The following ARL9 variants were observed in gnomAD, a reference collection of about 807,000 sequenced individuals.
ARL9 encodes ADP-ribosylation factor-like protein 9.
In ARL9, 14 loss-of-function variants were observed where a neutral mutation model predicts 27.0. The observed-to-expected ratio is 0.52, with a 90% confidence interval of 0.34 to 0.81. The LOEUF (loss-of-function observed/expected upper bound fraction) is 0.81, where lower values mean the gene tolerates loss of function less well. Among genes scored for constraint, ARL9 ranks in the 30% least tolerant of loss-of-function variants. ARL9 has a pLI of 0.01. For missense variants in ARL9, 294 were observed against 290.0 expected (o/e 1.01, Z -0.10); for synonymous variants, 106 against 108.7 (o/e 0.98, Z 0.15).
At chr4:56,514,945 G>T (rs1342758806) in intron 2 of ARL9, among the ~76,000 whole-genome samples, 1 of 152,082 alleles carries the variant, frequency 6.6e-6, no homozygotes. Flanking sequence ...AAGAATGAAA[G>T]GTTGGTTTAA....
intron 1 of ARL9, among the ~76,000 whole-genome samples, chr4:56,510,515 A>G (rs1297392438): frequency 6.6e-6 from 1 of 151,994 alleles, no homozygotes; most frequent in African/African-American, 2.4e-5. Flanking sequence ...CAAGACCCCA[A>G]ACAAAATGAA....
rs780043190 is a variant in ARL9 at position 56,518,812 on chromosome 4, G to A, written c.577G>A (p.Ala193Thr). 1 of 1,613,994 alleles carries A rather than the reference G, an allele frequency of 6.2e-7. No individual in the cohort carries two copies. Among genetic ancestry groups the A allele is most frequent in the Non-Finnish European group, 8.5e-7 (1 of 1,179,884 alleles). The change falls in exon 3 of 4, where the codon GCA (alanine) becomes ACA (threonine). Residue 193 changes from alanine to threonine, a missense_variant. Transcript: ENST00000640821. ...AKKYLHQLIA[A>T]NPVLPLVVFA... ...GAAATACCTTCATCAGCTAATTGCA[G>A]CAAACCCAGTACTTCCTCTGGTTGT...
chr4:56,506,951 T>C (rs1327282733), intron 1 of ARL9, among the ~76,000 whole-genome samples: 1 of 152,050 alleles, frequency 6.6e-6, no homozygotes, highest in Non-Finnish European at 1.5e-5. Flanking sequence ...CACGCCACCA[T>C]GTCCAGCTAA....
upstream of ARL9, chr4:56,505,639 T>C (rs1721431074): frequency 2.8e-6 from 2 of 706,220 alleles, no homozygotes; most frequent in Middle Eastern, 3.3e-4. Flanking sequence ...CCTTCCCTCT[T>C]TGCGAACCCC....
In ARL9 at chr4:56,523,852, A is replaced by G. The variant is rs1198119455; in HGVS notation, c.774A>G (p.Ala258=). 1.2e-6 allele frequency: 2 copies of G among 1,613,808 alleles called. No homozygotes were observed. The highest frequency in any genetic ancestry group is 1.7e-5 in the Admixed American group (1 of 60,010). Reference sequence around the variant, plus strand: ...TGCAAGATGCCAAAGACTTGATTGCACAGCTGGCTGCAGATGTGCAGTGAC... The same window carrying G: ...TGCAAGATGCCAAAGACTTGATTGCGCAGCTGGCTGCAGATGTGCAGTGAC... ...STMQDAKDLI[A]QLAADVQ is the part of the protein sequence containing the mutation. The change falls in exon 4 of 4, where the codon GCA becomes GCG. Residue 258 remains alanine (A), a synonymous_variant. Transcript: ENST00000640821.
chr4:56,509,666 C>G (rs368459371), intron 1 of ARL9, among the ~76,000 whole-genome samples: 6 of 149,810 alleles, frequency 4.0e-5, no homozygotes, highest in African/African-American at 1.5e-4. Context: ...TCCCAGATAG[C>G]TGGGATTACA....
intron 3 of ARL9, among the ~76,000 whole-genome samples, chr4:56,520,374 G>A (rs1018215768): frequency 3.3e-5 from 5 of 152,286 alleles, no homozygotes; most frequent in Admixed American, 6.5e-5. Context: ...TGAACCTTGA[G>A]AACATTATGC....
At chr4:56,523,082 G>A (rs1304793251) in intron 3 of ARL9, among the ~76,000 whole-genome samples, 7 of 152,102 alleles carry the variant, frequency 4.6e-5, no homozygotes, top group Admixed American at 2.6e-4. Context: ...AAGACTAAAA[G>A]GAAAATGGAA....
At position 56,514,554 on chromosome 4, in the gene ARL9, G is replaced by T. The variant is rs186309848; in HGVS notation, c.442+3207G>T. Among the ~76,000 whole-genome samples the T allele has an allele frequency of 1.9e-3, 292 of 152,252 alleles. 10 individuals are homozygous for T. The South Asian group carries it at 0.039, about 20-fold the overall frequency. On this transcript the variant is annotated intron_variant, in intron 2 of 3. Transcript: ENST00000640821. ...GTATAATACCTGTATTAACAAATTT[G>T]TACCAATAGATATAAAGTCCTGGAT...
At chr4:56,506,755 G>T in intron 1 of ARL9, 1 of 802,940 alleles carries the variant, frequency 1.2e-6, no homozygotes, top group Non-Finnish European at 1.5e-6. Context: ...GCTGCGCTCT[G>T]GTTCTAAACA....
At chr4:56,519,575 A>C (rs1721860547) in intron 3 of ARL9, among the ~76,000 whole-genome samples, 1 of 151,914 alleles carries the variant, frequency 6.6e-6, no homozygotes, top group Admixed American at 6.6e-5. Context: ...GCGCCACTGC[A>C]CTCCAGCCTG....
At chr4:56,506,568 G>A in intron 1 of ARL9, 1 of 959,028 alleles carries the variant, frequency 1.0e-6, no homozygotes, top group South Asian at 4.8e-5. Context: ...GTCAGAAGGG[G>A]CAGGGTTCCT....
chr4:56,517,605 T>C (rs74570061), intron 2 of ARL9, among the ~76,000 whole-genome samples: 6,371 of 152,250 alleles, frequency 0.042, 259 homozygotes, highest in East Asian at 0.19. Context: ...ATGTAAAAGC[T>C]ATTTTTACCT....
intron 2 of ARL9, among the ~76,000 whole-genome samples, chr4:56,517,164 C>T (rs540125790): frequency 5.3e-5 from 8 of 152,276 alleles, no homozygotes; most frequent in African/African-American, 1.9e-4. Flanking sequence ...TGAGGAACAA[C>T]TCAAACGTCC....
At chr4:56,507,742 G>A (rs1400783576) in intron 1 of ARL9, among the ~76,000 whole-genome samples, 1 of 151,798 alleles carries the variant, frequency 6.6e-6, no homozygotes, top group Non-Finnish European at 1.5e-5. Flanking sequence ...GGGAGGCCAA[G>A]GTGGGTGGAT....
At chr4:56,515,783 G>A (rs531283162) in intron 2 of ARL9, among the ~76,000 whole-genome samples, 32 of 152,272 alleles carry the variant, frequency 2.1e-4, no homozygotes, top group African/African-American at 7.5e-4. Flanking sequence ...AAAATGTGTA[G>A]ATGTCATTGA....
chr4:56,516,000 T>C (rs539263268), intron 2 of ARL9, among the ~76,000 whole-genome samples: 1 of 152,292 alleles, frequency 6.6e-6, no homozygotes, highest in Non-Finnish European at 1.5e-5. Flanking sequence ...GACACTCTTG[T>C]AGAAATTAAT....
In ARL9 at chr4:56,522,889, C is replaced by T. The variant is rs1721966530; in HGVS notation, c.619-808C>T. Among the ~76,000 whole-genome samples, 4 of 152,268 alleles carry T rather than the reference C, an allele frequency of 2.6e-5. No individual in the cohort carries two copies. The South Asian group carries it at 8.3e-4, about 32-fold the overall frequency. The stretch of plus-strand genomic sequence containing the variant: ...CCCTCTCCATTCTCTTCTCTGTCTT[C>T]CTCTACTCCCCAAAATTGGTTGAGG... On this transcript the variant is annotated intron_variant, in intron 3 of 3. Coordinates refer to ENST00000640821, the MANE Select transcript of ARL9 (RefSeq NM_001363794.2).
At chr4:56,509,107 T>C (rs1302268119) in intron 1 of ARL9, among the ~76,000 whole-genome samples, 2 of 152,206 alleles carry the variant, frequency 1.3e-5, no homozygotes, top group African/African-American at 4.8e-5. Flanking sequence ...CCCTGTACGA[T>C]CTTCACACCA....
Sources: allele counts gnomAD v4.1 joint callset (sites outside exome capture counted in the v4.1 genomes callset), GRCh38; gene constraint gnomAD v4.1.1; transcripts MANE v1.5; gene names NCBI Gene and HGNC (gene_info 2026-07-23, HGNC 2026-07-21).